Variants in PXDNL observed in about 807,000 individuals in gnomAD.
PXDNL encodes peroxidasin like, also known as probable oxidoreductase PXDNL.
Under a neutral mutation model 150.8 loss-of-function variants are expected in PXDNL, and 145 were observed. That is an observed-to-expected ratio of 0.96 (90% CI 0.84 to 1.10). PXDNL has a LOEUF of 1.10. Ranked by LOEUF, PXDNL falls within the 50% of genes least tolerant of loss-of-function variation. PXDNL has a pLI of 0.00. For missense variants in PXDNL, 2,087 were observed against 1,873.9 expected (o/e 1.11, Z -2.10); for synonymous variants, 757 against 725.7 (o/e 1.04, Z -0.69).
intron 3 of PXDNL, among the ~76,000 whole-genome samples, chr8:51,569,038 A>G (rs759303949): frequency 6.6e-6 from 1 of 151,854 alleles, no homozygotes; most frequent in Non-Finnish European, 1.5e-5. Context: ...TTGGCACATT[A>G]ATATAGTTGT....
At chr8:51,528,965 T>C (rs1811824973) in intron 4 of PXDNL, among the ~76,000 whole-genome samples, 1 of 152,200 alleles carries the variant, frequency 6.6e-6, no homozygotes, top group African/African-American at 2.4e-5. Context: ...CCCATGGAAA[T>C]GTAAAACAAC....
At chr8:51,590,051 G>A (rs1486947365) in intron 3 of PXDNL, among the ~76,000 whole-genome samples, 1 of 152,086 alleles carries the variant, frequency 6.6e-6, no homozygotes, top group Non-Finnish European at 1.5e-5. Flanking sequence ...ATGGGCTCAA[G>A]ATACCTTCCA....
At chr8:51,517,757 A>G (rs1421543657) in intron 4 of PXDNL, among the ~76,000 whole-genome samples, 4 of 152,246 alleles carry the variant, frequency 2.6e-5, no homozygotes, top group African/African-American at 9.6e-5. Flanking sequence ...GCCGAGATTA[A>G]TTGCAATCTA....
At chr8:51,449,210 G>T in intron 10 of PXDNL, 92 bp from the exon 11 acceptor site, 1 of 700,574 alleles carries the variant, frequency 1.4e-6, no homozygotes, top group Non-Finnish European at 2.5e-6. Flanking sequence ...AATATGTCAT[G>T]TGATCAGAAT....
intron 3 of PXDNL, among the ~76,000 whole-genome samples, chr8:51,587,026 T>C (rs1369688231): frequency 6.6e-6 from 1 of 152,198 alleles, no homozygotes; most frequent in African/African-American, 2.4e-5. Context: ...TTGAAACTTG[T>C]GAAATTATCA....
intron 4 of PXDNL, among the ~76,000 whole-genome samples, chr8:51,513,436 G>A (rs997116686): frequency 6.6e-6 from 1 of 152,198 alleles, no homozygotes; most frequent in Non-Finnish European, 1.5e-5. Flanking sequence ...CTGTGCAAGG[G>A]ACCAGAAGAA....
Position 51,809,162 on chromosome 8 carries a change from G to T in PXDNL, c.164+19C>A, listed in dbSNP as rs376619213. 1.2e-6 allele frequency: 2 copies of T among 1,613,272 alleles called. No individual in the cohort carries two copies. Among genetic ancestry groups the T allele is most frequent in the African/African-American group, 2.7e-5 (2 of 74,988 alleles). ...AAGCATTGGGGAAGAGGGTTTCTGGGGAATTTATGTGAACTTACAGAACTG... is the reference window on the plus strand; with the variant it reads ...AAGCATTGGGGAAGAGGGTTTCTGGTGAATTTATGTGAACTTACAGAACTG... On this transcript the variant is annotated intron_variant, in intron 1 of 22. Transcript: ENST00000356297.
chr8:51,580,055 T>C (rs1444233493), intron 3 of PXDNL, among the ~76,000 whole-genome samples: 1 of 151,516 alleles, frequency 6.6e-6, no homozygotes, highest in Non-Finnish European at 1.5e-5. Context: ...AAAAAGGCAA[T>C]CACAAAAGGT....
Position 51,319,882 on chromosome 8 carries a change from A to G in PXDNL, c.*9T>C. ...TTCCCATTTGGGGCTCAACAGCACA[A>G]AACTTTTATTAGCGCTTCTCTGGGG... On this transcript the variant is annotated 3_prime_UTR_variant, in exon 23 of 23. Coordinates refer to ENST00000356297, the MANE Select transcript of PXDNL (RefSeq NM_144651.5). 1 of 1,508,590 alleles carries G rather than the reference A, an allele frequency of 6.6e-7. No individual in the cohort carries two copies. Among genetic ancestry groups the G allele is most frequent in the Non-Finnish European group, 8.9e-7 (1 of 1,129,228 alleles). 93.5% of individuals were successfully genotyped at this position (1,508,590 alleles called of 1,614,324 possible). A position where few individuals can be genotyped will look rare whatever the true frequency, so the allele number is the denominator to read the frequency against.
chr8:51,403,233 T>C (rs1325267578), intron 17 of PXDNL, among the ~76,000 whole-genome samples: 2 of 152,202 alleles, frequency 1.3e-5, no homozygotes, highest in African/African-American at 4.8e-5. Flanking sequence ...TAAAACACTT[T>C]TGACCAAGAA....
At chr8:51,706,615 G>A (rs1585689167) in intron 1 of PXDNL, among the ~76,000 whole-genome samples, 2 of 152,226 alleles carry the variant, frequency 1.3e-5, no homozygotes, top group East Asian at 1.9e-4. Flanking sequence ...GCAAATGAAG[G>A]AGTAACAGGA....
intron 1 of PXDNL, among the ~76,000 whole-genome samples, chr8:51,710,465 T>G (rs1304101556): frequency 6.6e-6 from 1 of 152,254 alleles, no homozygotes; most frequent in South Asian, 2.1e-4. Flanking sequence ...ATTTAAAATG[T>G]GCTTTTATAG....
At chr8:51,406,246 T>C (rs1425823127) in intron 17 of PXDNL, among the ~76,000 whole-genome samples, 1 of 152,194 alleles carries the variant, frequency 6.6e-6, no homozygotes, top group Non-Finnish European at 1.5e-5. Flanking sequence ...CCTAACTTTT[T>C]CCAATCCAGA....
intron 2 of PXDNL, among the ~76,000 whole-genome samples, chr8:51,618,008 A>G (rs919925136): frequency 1.3e-5 from 2 of 152,246 alleles, no homozygotes. Context: ...TGCCTTTTGA[A>G]GAAAATCCCA....
intron 1 of PXDNL, among the ~76,000 whole-genome samples, chr8:51,738,385 G>A (rs2036863322): frequency 6.6e-6 from 1 of 152,126 alleles, no homozygotes; most frequent in Non-Finnish European, 1.5e-5. Flanking sequence ...TGCATATCCA[G>A]TATGTGACTC....
chr8:51,381,940 A>T (rs1479989496), intron 17 of PXDNL, among the ~76,000 whole-genome samples: 1 of 151,798 alleles, frequency 6.6e-6, no homozygotes, highest in Non-Finnish European at 1.5e-5. Flanking sequence ...ACAATAGTGA[A>T]TTTTTTTATT....
chr8:51,555,977 A>C (rs1337361211), intron 4 of PXDNL, among the ~76,000 whole-genome samples: 1 of 152,158 alleles, frequency 6.6e-6, no homozygotes, highest in Non-Finnish European at 1.5e-5. Context: ...GAGTTGTAAT[A>C]ATAATGCTAC....
At chr8:51,426,190 T>C (rs1809094601) in intron 13 of PXDNL, among the ~76,000 whole-genome samples, 1 of 152,130 alleles carries the variant, frequency 6.6e-6, no homozygotes, top group African/African-American at 2.4e-5. Context: ...GGAGCTATTG[T>C]TTTTTTAAAG....
intron 18 of PXDNL, among the ~76,000 whole-genome samples, chr8:51,373,516 C>A (rs1176623702): frequency 6.6e-6 from 1 of 151,998 alleles, no homozygotes; most frequent in Middle Eastern, 3.2e-3. Flanking sequence ...CACATTAACC[C>A]AATTATGTGA....
Sources: gnomAD v4.1 joint callset for allele counts (sites outside exome capture counted in the v4.1 genomes callset) on GRCh38, gnomAD v4.1.1 for gene constraint, MANE v1.5 for transcripts, NCBI Gene and HGNC (gene_info 2026-07-23, HGNC 2026-07-21) for gene names.